Variants in CATSPERT observed in about 807,000 individuals in gnomAD.
The protein encoded by CATSPERT is cation channel sperm-associated targeting subunit tau.
chr2:201,537,432 T>C, the CATSPERT span: 1 of 1,588,268 alleles, frequency 6.3e-7, no homozygotes, highest in Non-Finnish European at 8.6e-7. Flanking sequence ...CCAATTTCCC[T>C]TACCTCATTT....
At chr2:201,600,728 C>A in the CATSPERT span, among the ~76,000 whole-genome samples, 4 of 150,624 alleles carry the variant, frequency 2.7e-5, no homozygotes, top group Admixed American at 2.7e-4. Flanking sequence ...ATCGATGAAT[C>A]CTGCAGCTGT....
chr2:201,551,211 A>G, the CATSPERT span, among the ~76,000 whole-genome samples: 8,376 of 152,302 alleles, frequency 0.055, 281 homozygotes, highest in African/African-American at 0.08. Flanking sequence ...CAGTTAGTAT[A>G]TCATGAATGC....
At chr2:201,533,812 G>T in the CATSPERT span, among the ~76,000 whole-genome samples, 2 of 152,108 alleles carry the variant, frequency 1.3e-5, no homozygotes, top group Admixed American at 6.6e-5. Flanking sequence ...CTGAGTATGG[G>T]ACTTGCTGTA....
the CATSPERT span, among the ~76,000 whole-genome samples, chr2:201,576,873 G>T: frequency 6.6e-6 from 1 of 152,198 alleles, no homozygotes; most frequent in African/African-American, 2.4e-5. Context: ...GATAAGCTGA[G>T]TCCCGATAGG....
chr2:201,534,992 AAG>A, the CATSPERT span: 1 of 467,926 alleles, frequency 2.1e-6, no homozygotes, highest in Non-Finnish European at 2.8e-6. Flanking sequence ...GAAAGACTAA[AAG>A]AAAATAAAAT....
At chr2:201,570,516 A>G in the CATSPERT span, among the ~76,000 whole-genome samples, 1 of 152,348 alleles carries the variant, frequency 6.6e-6, no homozygotes, top group South Asian at 2.1e-4. Flanking sequence ...AGTACTTTAC[A>G]TGTAACTTAT....
chr2:201,519,867 T>A, the CATSPERT span, among the ~76,000 whole-genome samples: 6 of 152,174 alleles, frequency 3.9e-5, no homozygotes, highest in African/African-American at 1.2e-4. Flanking sequence ...ATGCCGATTT[T>A]AAAAATACAC....
chr2:201,567,210 C>A, the CATSPERT span, among the ~76,000 whole-genome samples: 3 of 152,184 alleles, frequency 2.0e-5, no homozygotes, highest in Non-Finnish European at 4.4e-5. Context: ...ACCCAGTGGT[C>A]CCTAAATGTG....
the CATSPERT span, chr2:201,494,394 T>A: frequency 1.3e-6 from 2 of 1,537,308 alleles, no homozygotes; most frequent in African/African-American, 2.7e-5. Context: ...TGTTTGCCTG[T>A]ACATTTCCAG....
At chr2:201,590,674 C>T in the CATSPERT span, among the ~76,000 whole-genome samples, 1 of 152,110 alleles carries the variant, frequency 6.6e-6, no homozygotes, top group Non-Finnish European at 1.5e-5. Context: ...TAATGATTGC[C>T]ATTCTAACTG....
At chr2:201,541,570 TATATATATAA>T in the CATSPERT span, among the ~76,000 whole-genome samples, 1 of 77,428 alleles carries the variant, frequency 1.3e-5, no homozygotes, top group African/African-American at 5.4e-5. Context: ...TATATATATA[TATATATATAA>T]AATTTACAAA....
chr2:201,596,038 A>C, the CATSPERT span, among the ~76,000 whole-genome samples: 2 of 152,222 alleles, frequency 1.3e-5, no homozygotes, highest in Non-Finnish European at 2.9e-5. Flanking sequence ...AGACCTAAAA[A>C]CAAAAATACC....
At chr2:201,487,789 A>G in the CATSPERT span, 7 of 1,613,992 alleles carry the variant, frequency 4.3e-6, no homozygotes, top group African/African-American at 9.3e-5. Flanking sequence ...AGTGTCTGGC[A>G]TGGTTATGGA....
the CATSPERT span, among the ~76,000 whole-genome samples, chr2:201,504,375 TACC>T: frequency 6.6e-6 from 1 of 152,222 alleles, no homozygotes; most frequent in Non-Finnish European, 1.5e-5. Flanking sequence ...AAATTTCTCA[TACC>T]AGAAATAGAG....
the CATSPERT span, among the ~76,000 whole-genome samples, chr2:201,490,766 C>T: frequency 6.6e-6 from 1 of 152,192 alleles, no homozygotes; most frequent in African/African-American, 2.4e-5. Context: ...CTCTGTCACC[C>T]AGGCTCGAGT....
chr2:201,601,534 A>G, the CATSPERT span, among the ~76,000 whole-genome samples: 1 of 152,102 alleles, frequency 6.6e-6, no homozygotes, highest in Non-Finnish European at 1.5e-5. Context: ...TACTAAGATT[A>G]TGCATTTCGC....
the CATSPERT span, chr2:201,491,593 T>C: frequency 1.3e-6 from 2 of 1,537,212 alleles, no homozygotes; most frequent in Non-Finnish European, 1.7e-6. Context: ...AGTCTCTGTA[T>C]TGAAATGAGT....
the CATSPERT span, chr2:201,493,060 TC>T: frequency 1.3e-6 from 2 of 1,536,356 alleles, no homozygotes; most frequent in East Asian, 4.9e-5. Context: ...TCTTTCTAAT[TC>T]TTTTTCTGGT....
At chr2:201,565,856 G>T in the CATSPERT span, 1 of 1,589,326 alleles carries the variant, frequency 6.3e-7, no homozygotes, top group Non-Finnish European at 8.5e-7. Context: ...TCTACTGTCT[G>T]TGGTGTAATA....
Sources: allele counts gnomAD v4.1 joint callset (sites outside exome capture counted in the v4.1 genomes callset), GRCh38; gene constraint gnomAD v4.1.1; transcripts MANE v1.5; gene names NCBI Gene and HGNC (gene_info 2026-07-23, HGNC 2026-07-21).